TRPM7: variants seen among roughly 807,000 people sequenced by gnomAD.
TRPM7 encodes transient receptor potential cation channel subfamily M member 7.
In TRPM7, 134 loss-of-function variants were observed where a neutral mutation model predicts 229.7. The observed-to-expected ratio is 0.58, with a 90% confidence interval of 0.51 to 0.67. The LOEUF is 0.67. TRPM7 is among the 30% of genes least tolerant of loss of function. The pLI, the probability that TRPM7 is intolerant of heterozygous loss-of-function variation, is 0.00. For missense variants in TRPM7, 1,901 were observed against 2,210.0 expected, an observed-to-expected ratio of 0.86 and a Z score of 2.80; for synonymous variants, 699 against 715.2, an observed-to-expected ratio of 0.98 and a Z score of 0.36.
intron 1 of TRPM7, among the ~76,000 whole-genome samples, chr15:50,680,606 A>T (rs2062220019): frequency 6.6e-6 from 1 of 152,028 alleles, no homozygotes; most frequent in Admixed American, 6.6e-5. Context: ...ACTGAGTTGT[A>T]AATTATCTGT....
At chr15:50,643,216 G>A (rs1375619501) in intron 5 of TRPM7, 124 bp downstream of exon 5, 6 of 721,148 alleles carry the variant, frequency 8.3e-6, no homozygotes, top group South Asian at 1.8e-5. Context: ...TTGAGCCCGG[G>A]AGGCAGAGGT....
At chr15:50,630,130 G>A (rs564114244) in intron 10 of TRPM7, among the ~76,000 whole-genome samples, 1 of 152,122 alleles carries the variant, frequency 6.6e-6, no homozygotes, top group African/African-American at 2.4e-5. Flanking sequence ...CCAAATTGCT[G>A]GGATTACAGG....
chr15:50,655,630 G>A (rs1302350923), intron 3 of TRPM7, among the ~76,000 whole-genome samples: 1 of 151,938 alleles, frequency 6.6e-6, no homozygotes, highest in African/African-American at 2.4e-5. Flanking sequence ...TTCCACACAG[G>A]AAGACAACTA....
chr15:50,640,881 A>G (rs1176999987), intron 5 of TRPM7, among the ~76,000 whole-genome samples: 1 of 152,186 alleles, frequency 6.6e-6, no homozygotes, highest in Non-Finnish European at 1.5e-5. Context: ...GTGCAAGCCA[A>G]AGAGAGAGGC....
At position 50,643,382 on chromosome 15, in the gene TRPM7, C is replaced by T; in HGVS notation, c.493G>A (p.Val165Ile). Residue 165 changes from valine (V) to isoleucine (I), a missense_variant, in exon 5 of 39, where the codon GTT (valine) becomes ATT (isoleucine). Physicochemically the swap from Val to Ile is conservative, Grantham distance 29 (BLOSUM62 3). This residue lies in a region of TRPM7 where 794 missense variants were observed against 881.9 expected (regional missense o/e 0.90). Coordinates refer to ENST00000646667, the MANE Select transcript of TRPM7 (RefSeq NM_017672.6). Reference sequence around the variant, plus strand: ...GTTAAAATCCAGGCTCCAGTTGTAACTGCAGCTTTAATAAGACCTTTTCCA... The same window carrying T: ...GTTAAAATCCAGGCTCCAGTTGTAATTGCAGCTTTAATAAGACCTTTTCCA... ...LLGKGLIKAA[V>I]TTGAWILTGG... The T allele has an allele frequency of 6.2e-7, 1 of 1,614,186 alleles. No homozygotes were observed. The highest frequency in any genetic ancestry group is 1.3e-5 in the African/African-American group (1 of 75,060).
chr15:50,625,030 C>T (rs892439658), intron 11 of TRPM7, among the ~76,000 whole-genome samples: 3 of 150,606 alleles, frequency 2.0e-5, no homozygotes, highest in South Asian at 2.1e-4. Flanking sequence ...GCATTTGTAG[C>T]TGTCCTTTAT....
At chr15:50,652,474 C>T (rs981653999) in intron 3 of TRPM7, among the ~76,000 whole-genome samples, 1 of 135,994 alleles carries the variant, frequency 7.4e-6, no homozygotes, top group African/African-American at 2.8e-5. Flanking sequence ...AAAAACTGAA[C>T]AGGAAAATAA....
chr15:50,584,214 T>C (rs1211709243), intron 28 of TRPM7, among the ~76,000 whole-genome samples: 1 of 152,132 alleles, frequency 6.6e-6, no homozygotes, highest in Non-Finnish European at 1.5e-5. Context: ...GAAAGGAAAA[T>C]CTCAGAACAA....
chr15:50,581,966 G>A (rs941073189), intron 29 of TRPM7, among the ~76,000 whole-genome samples: 1 of 151,640 alleles, frequency 6.6e-6, no homozygotes, highest in Non-Finnish European at 1.5e-5. Context: ...AACTCCCACT[G>A]AGTGGGGTTT....
rs1304672035 is a variant in TRPM7 at position 50,628,177 on chromosome 15, T to C, written c.1277A>G (p.His426Arg). Residue 426 changes from histidine to arginine, a missense_variant, in exon 11 of 39, where the codon CAT (histidine) becomes CGT (arginine). This residue lies in a region of TRPM7 where 794 missense variants were observed against 881.9 expected (regional missense o/e 0.90). Transcript: ENST00000646667. The stretch of plus-strand genomic sequence containing the variant: ...CCACTGCTGTCCATAAACAAATACA[T>C]GATTTTTGGCAATGTCAACTCTATC... ...AWDRVDIAKN[H>R]VFVYGQQWLV... 2.5e-6 allele frequency: 4 copies of C among 1,613,260 alleles called. No homozygotes were observed. The highest frequency in any genetic ancestry group is 3.4e-6 in the Non-Finnish European group (4 of 1,179,722).
intron 8 of TRPM7, 99 bp from the exon 9 acceptor site, chr15:50,633,091 T>C (rs1226517847): frequency 1.9e-6 from 2 of 1,053,118 alleles, no homozygotes; most frequent in Non-Finnish European, 1.3e-6. Context: ...TTGAAAATAA[T>C]GGATTAATAT....
In TRPM7 at chr15:50,604,856, G is replaced by A; in HGVS notation, c.2988+10C>T. On this transcript the variant is annotated intron_variant, in intron 21 of 38. Transcript: ENST00000646667. ...AACCCACGAGTATTATCAAACATCTGTCAACTTACCATTTTTCCAATCATC... is the reference window on the plus strand; with the variant it reads ...AACCCACGAGTATTATCAAACATCTATCAACTTACCATTTTTCCAATCATC... 1 of 1,552,176 alleles carries A rather than the reference G, an allele frequency of 6.4e-7. No individual in the cohort carries two copies. The highest frequency in any genetic ancestry group is 8.7e-7 in the Non-Finnish European group (1 of 1,149,814).
intron 12 of TRPM7, among the ~76,000 whole-genome samples, chr15:50,621,897 G>A (rs530984727): frequency 5.3e-5 from 8 of 152,070 alleles, no homozygotes; most frequent in Non-Finnish European, 8.8e-5. Context: ...GGGCGTGGTG[G>A]TGGGCATCTA....
intron 30 of TRPM7, 27 bp from the exon 31 acceptor site, chr15:50,578,691 TA>T: frequency 6.5e-7 from 1 of 1,546,908 alleles, no homozygotes; most frequent in Non-Finnish European, 8.8e-7. Flanking sequence ...AAATATAGTA[TA>T]AGCTGTGCTA....
intron 13 of TRPM7, among the ~76,000 whole-genome samples, chr15:50,619,217 T>G (rs1052254808): frequency 1.1e-4 from 17 of 149,690 alleles, no homozygotes; most frequent in Non-Finnish European, 2.5e-4. Context: ...TCAACAGCTT[T>G]TTTTTCTTTT....
rs1396770403 is a variant in TRPM7, at chr15:50,560,843, T to C, written c.*835A>G. 4.6e-5 allele frequency: 7 copies of C among 152,646 alleles called. No individual in the cohort carries two copies. Among genetic ancestry groups the C allele is most frequent in the Non-Finnish European group, 4.4e-5 (3 of 68,032 alleles). 9.5% of individuals were successfully genotyped at this position (152,646 alleles called of 1,614,324 possible). ...GTTTGTAAGTTCTGGGTTGTTGCTA[T>C]AGATACAGATAGGGAAAAAAGTACT... is the stretch of plus-strand genomic sequence containing the variant. On this transcript the variant is annotated 3_prime_UTR_variant, in exon 39 of 39. Coordinates refer to ENST00000646667, the MANE Select transcript of TRPM7 (RefSeq NM_017672.6).
chr15:50,582,275 T>A (rs2054457535), intron 29 of TRPM7, among the ~76,000 whole-genome samples: 1 of 152,140 alleles, frequency 6.6e-6, no homozygotes, highest in Admixed American at 6.6e-5. Context: ...GAGTTTTTTT[T>A]TTATTTCTAG....
chr15:50,592,816 T>C (rs527253128), intron 25 of TRPM7, among the ~76,000 whole-genome samples, 190 bp from the exon 26 acceptor site: 2 of 152,346 alleles, frequency 1.3e-5, no homozygotes, highest in East Asian at 1.9e-4. Flanking sequence ...GCTAATCTTA[T>C]ATTAAAATGC....
At chr15:50,657,670 T>A in intron 3 of TRPM7, 111 bp downstream of exon 3, 1 of 945,420 alleles carries the variant, frequency 1.1e-6, no homozygotes, top group Non-Finnish European at 1.6e-6. Context: ...AAAGTACCCA[T>A]CAAATATAAT....
Sources: gnomAD v4.1 joint callset for allele counts (sites outside exome capture counted in the v4.1 genomes callset) on GRCh38, gnomAD v4.1.1 for gene constraint, gnomAD v4.1.1 regional missense constraint, MANE v1.5 for transcripts, NCBI Gene and HGNC (gene_info 2026-07-23, HGNC 2026-07-21) for gene names.